GRM8: variants seen among roughly 807,000 people sequenced by gnomAD.
GRM8 encodes glutamate metabotropic receptor 8.
In GRM8, 47 loss-of-function variants were observed where a neutral mutation model predicts 87.2. That is an observed-to-expected ratio of 0.54 (90% CI 0.43 to 0.69). The LOEUF (loss-of-function observed/expected upper bound fraction) is 0.69, where lower values mean the gene tolerates loss of function less well. Among genes scored for constraint, GRM8 ranks in the 30% least tolerant of loss-of-function variants. GRM8 has a pLI of 0.00. For missense variants in GRM8, 1,019 were observed against 1,139.2 expected, an observed-to-expected ratio of 0.89 and a Z score of 1.52; for synonymous variants, 396 against 404.5, an observed-to-expected ratio of 0.98 and a Z score of 0.25.
chr7:126,720,537 T>G lies in GRM8; in HGVS notation c.1357+49328A>C, dbSNP rs142863643. 6.6e-5 allele frequency among the ~76,000 whole-genome samples: 10 copies of G among 152,208 alleles called. No individual in the cohort carries two copies. In the East Asian group the frequency reaches 1.9e-3, roughly 29 times the overall value. ...TATGTGAATATAATGAAAGCAAAAT[T>G]TAACTTTTAACCAAAAATGTTGCAG... On this transcript the variant is annotated intron_variant, in intron 7 of 10. Transcript: ENST00000339582.
chr7:126,869,089 T>G (rs1798859751), intron 6 of GRM8: 1 of 152,236 alleles, frequency 6.6e-6, no homozygotes, highest in Non-Finnish European at 1.5e-5. Context: ...ACAATGTTCA[T>G]AGCATCTTCA....
intron 9 of GRM8, among the ~76,000 whole-genome samples, chr7:126,466,709 C>T (rs1042740117): frequency 3.3e-5 from 5 of 151,950 alleles, no homozygotes; most frequent in Admixed American, 6.6e-5. Flanking sequence ...AGAAGAGAGA[C>T]GGAATTTTCC....
intron 6 of GRM8, among the ~76,000 whole-genome samples, chr7:126,843,781 T>C (rs1796479348): frequency 6.6e-6 from 1 of 152,236 alleles, no homozygotes; most frequent in South Asian, 2.1e-4. Context: ...GCTCAGCTGT[T>C]ACATGTGCCT....
intron 7 of GRM8, among the ~76,000 whole-genome samples, chr7:126,628,825 A>T (rs1382811133): frequency 6.6e-6 from 1 of 152,116 alleles, no homozygotes; most frequent in Non-Finnish European, 1.5e-5. Flanking sequence ...TAACTAACTA[A>T]ATAAATGAAA....
At chr7:126,957,685 C>T (rs1808866502) in intron 3 of GRM8, among the ~76,000 whole-genome samples, 2 of 152,214 alleles carry the variant, frequency 1.3e-5, no homozygotes, top group Admixed American at 1.3e-4. Flanking sequence ...GGACTTTGGG[C>T]ACCAACAAGC....
intron 9 of GRM8, among the ~76,000 whole-genome samples, chr7:126,457,968 T>C (rs576337945): frequency 1.9e-4 from 28 of 149,978 alleles, no homozygotes; most frequent in African/African-American, 6.8e-4. Flanking sequence ...GGGAAGAAGA[T>C]GTGATATAAG....
At chr7:126,525,763 T>C (rs1030513174) in intron 9 of GRM8, among the ~76,000 whole-genome samples, 1 of 152,190 alleles carries the variant, frequency 6.6e-6, no homozygotes, top group Non-Finnish European at 1.5e-5. Context: ...CTTTCTCCTT[T>C]CCTTCTAGTC....
chr7:126,743,898 G>C (rs1246696100), intron 7 of GRM8, among the ~76,000 whole-genome samples: 2 of 124,182 alleles, frequency 1.6e-5, no homozygotes, highest in African/African-American at 5.3e-5. Context: ...TTGCACTTAT[G>C]GTAAAAAAAA....
intron 6 of GRM8, among the ~76,000 whole-genome samples, chr7:126,830,582 G>A (rs1037510050): frequency 6.6e-6 from 1 of 152,066 alleles, no homozygotes; most frequent in South Asian, 2.1e-4. Flanking sequence ...CTCTGTATTG[G>A]TTATTCTAGT....
At chr7:126,881,837 T>C (rs985036175) in intron 6 of GRM8, among the ~76,000 whole-genome samples, 1 of 152,220 alleles carries the variant, frequency 6.6e-6, no homozygotes, top group African/African-American at 2.4e-5. Flanking sequence ...CCATAAGTGC[T>C]AAATGAATTG....
At chr7:126,550,445 C>G (rs554350883) in intron 8 of GRM8, among the ~76,000 whole-genome samples, 2 of 152,120 alleles carry the variant, frequency 1.3e-5, no homozygotes, top group African/African-American at 4.8e-5. Flanking sequence ...TCATAAATTT[C>G]TTAATAGATT....
At chr7:126,490,662 C>A (rs937750564) in intron 9 of GRM8, among the ~76,000 whole-genome samples, 1 of 151,996 alleles carries the variant, frequency 6.6e-6, no homozygotes, top group Non-Finnish European at 1.5e-5. Flanking sequence ...CCCTTACACA[C>A]CTCTGCTGCC....
chr7:127,050,384 G>A (rs191738498), intron 3 of GRM8, among the ~76,000 whole-genome samples: 5 of 152,290 alleles, frequency 3.3e-5, no homozygotes, highest in East Asian at 3.9e-4. Flanking sequence ...CACCAGGTAC[G>A]AATCCATTTC....
chr7:126,581,623 G>A (rs529687173), intron 8 of GRM8, among the ~76,000 whole-genome samples: 11 of 152,096 alleles, frequency 7.2e-5, no homozygotes, highest in African/African-American at 2.4e-4. Flanking sequence ...CTCACATTAC[G>A]GTGCTTTTTT....
chr7:126,607,138 C>T (rs1798440177), intron 8 of GRM8, among the ~76,000 whole-genome samples: 1 of 152,144 alleles, frequency 6.6e-6, no homozygotes, highest in Non-Finnish European at 1.5e-5. Context: ...TGTCAAAAAG[C>T]TATTGATTAT....
At chr7:127,097,423 A>T (rs1305809151) in intron 3 of GRM8, among the ~76,000 whole-genome samples, 1 of 152,220 alleles carries the variant, frequency 6.6e-6, no homozygotes, top group African/African-American at 2.4e-5. Context: ...GTCAGGAGTC[A>T]TTCGAAAGCT....
chr7:127,102,439 A>C (rs1825373962), intron 3 of GRM8, among the ~76,000 whole-genome samples: 1 of 152,156 alleles, frequency 6.6e-6, no homozygotes, highest in Non-Finnish European at 1.5e-5. Context: ...CTCCTATCAC[A>C]GCCATAGGAG....
chr7:126,748,890 C>T (rs954256988), intron 7 of GRM8, among the ~76,000 whole-genome samples: 4 of 152,098 alleles, frequency 2.6e-5, no homozygotes, highest in East Asian at 1.9e-4. Context: ...CAATGGGAGA[C>T]AGTCTTTTCA....
At chr7:126,750,889 T>G (rs1239910544) in intron 7 of GRM8, among the ~76,000 whole-genome samples, 1 of 152,112 alleles carries the variant, frequency 6.6e-6, no homozygotes, top group Non-Finnish European at 1.5e-5. Flanking sequence ...CCATAGTAAT[T>G]ACCTTAATCA....
Sources: allele counts gnomAD v4.1 joint callset (sites outside exome capture counted in the v4.1 genomes callset), GRCh38; gene constraint gnomAD v4.1.1; transcripts MANE v1.5; gene names NCBI Gene and HGNC (gene_info 2026-07-23, HGNC 2026-07-21).